The following SATL1 variants were observed in gnomAD, a reference collection of about 807,000 sequenced individuals.
SATL1 encodes spermidine/spermine N1-acetyl transferase like 1, also known as spermidine/spermine N(1)-acetyltransferase-like protein 1.
A neutral mutation model predicts 51.8 loss-of-function variants in SATL1; 47 were observed. That is an observed-to-expected ratio of 0.91 (90% confidence interval 0.72 to 1.16). The LOEUF (loss-of-function observed/expected upper bound fraction) is 1.16. SATL1 is among the 50% of genes most tolerant of loss of function. The pLI, the probability that SATL1 is intolerant of heterozygous loss-of-function variation, is 0.00. For missense variants in SATL1, 520 were observed against 526.4 expected, an observed-to-expected ratio of 0.99 and a Z score of 0.12; for synonymous variants, 176 against 182.4, an observed-to-expected ratio of 0.97 and a Z score of 0.28.
At chrX:85,142,057 T>A (rs1398105582) in intron 2 of SATL1, among the ~76,000 whole-genome samples, 1 of 104,118 alleles carries the variant, frequency 9.6e-6, no homozygotes, top group East Asian at 3.3e-4. Context: ...ATTAAGTACA[T>A]ACTTTATTGC....
intron 2 of SATL1, among the ~76,000 whole-genome samples, chrX:85,184,036 T>A (rs1927262827): frequency 8.9e-6 from 1 of 111,955 alleles, no homozygotes; most frequent in African/African-American, 3.2e-5. Flanking sequence ...AGTGAGAACA[T>A]GTGAAGTTTG....
chrX:85,118,087 C>CTTTGTTTTTTTTTTTTTTTTTTTT (rs1925421112), intron 2 of SATL1, among the ~76,000 whole-genome samples: 1 of 46,171 alleles, frequency 2.2e-5, no homozygotes, highest in Non-Finnish European at 4.8e-5. Flanking sequence ...AAGAACTTAG[C>CTTTGTTTTTTTTTTTTTTTTTTTT]TTTTTTTTTT....
intron 2 of SATL1, among the ~76,000 whole-genome samples, chrX:85,220,877 C>G (rs1602923211): frequency 9.1e-6 from 1 of 109,418 alleles, no homozygotes; most frequent in African/African-American, 3.3e-5. Context: ...CTTCTACTTC[C>G]TAAATAGATC....
intron 4 of SATL1, among the ~76,000 whole-genome samples, chrX:85,095,917 C>T (rs974004263): frequency 2.3e-4 from 25 of 107,154 alleles, no homozygotes; most frequent in Admixed American, 1.4e-3. Context: ...ACACAGAGAA[C>T]GCCCTGTAAT....
At chrX:85,228,156 A>C (rs1466739857) in intron 1 of SATL1, among the ~76,000 whole-genome samples, 1 of 111,093 alleles carries the variant, frequency 9.0e-6, no homozygotes, top group African/African-American at 3.3e-5. Context: ...TTCTTAAAGG[A>C]GAGATTTTCT....
intron 2 of SATL1, among the ~76,000 whole-genome samples, chrX:85,201,908 A>G (rs1927694768): frequency 8.9e-6 from 1 of 112,277 alleles, no homozygotes; most frequent in Non-Finnish European, 1.9e-5. Flanking sequence ...TATTGTGAAC[A>G]GTGCTGCAAT....
chrX:85,172,541 A>G (rs758441845), intron 2 of SATL1, among the ~76,000 whole-genome samples: 3 of 111,302 alleles, frequency 2.7e-5, no homozygotes, highest in Non-Finnish European at 5.7e-5. Context: ...CCTTTATTCT[A>G]TACTTCAAAT....
chrX:85,104,477 C>CT (rs5902872), intron 3 of SATL1, among the ~76,000 whole-genome samples: 1 of 109,654 alleles, frequency 9.1e-6, no homozygotes, highest in South Asian at 3.9e-4. Flanking sequence ...ATTTGTTCAA[C>CT]TTTTTTTGGT....
intron 2 of SATL1, among the ~76,000 whole-genome samples, chrX:85,138,657 G>A (rs1195159225): frequency 8.9e-6 from 1 of 111,968 alleles, no homozygotes; most frequent in Non-Finnish European, 1.9e-5. Context: ...AACAGGAGCA[G>A]ATTGGTAACG....
intron 2 of SATL1, among the ~76,000 whole-genome samples, chrX:85,173,705 T>C (rs1010770571): frequency 2.7e-5 from 3 of 110,877 alleles, no homozygotes; most frequent in African/African-American, 9.8e-5. Flanking sequence ...AGGTTTTAAG[T>C]GTAAACATGC....
chrX:85,241,545 A>C (rs1928594439), intron 1 of SATL1, among the ~76,000 whole-genome samples: 1 of 112,198 alleles, frequency 8.9e-6, no homozygotes, highest in South Asian at 3.7e-4. Flanking sequence ...CAGCTCTAAC[A>C]GTTTTTTTTC....
intron 2 of SATL1, chrX:85,153,793 T>C (rs1254094323): frequency 1.8e-5 from 2 of 111,416 alleles, no homozygotes; most frequent in African/African-American, 6.5e-5. Flanking sequence ...TCTGGAGTAC[T>C]CTGGATCTGA....
At chrX:85,104,573 T>C (rs1326178041) in intron 3 of SATL1, among the ~76,000 whole-genome samples, 1 of 111,043 alleles carries the variant, frequency 9.0e-6, no homozygotes, top group African/African-American at 3.3e-5. Context: ...TTGGCTGACT[T>C]GACATGTCCC....
intron 2 of SATL1, among the ~76,000 whole-genome samples, chrX:85,180,470 C>T (rs1451636154): frequency 9.0e-6 from 1 of 111,304 alleles, no homozygotes; most frequent in Non-Finnish European, 1.9e-5. Context: ...GTACCGAACA[C>T]TGTAGGCAAC....
At chrX:85,234,613 G>A (rs1928444522) in intron 1 of SATL1, among the ~76,000 whole-genome samples, 1 of 111,600 alleles carries the variant, frequency 9.0e-6, no homozygotes, top group African/African-American at 3.3e-5. Flanking sequence ...GTTTGTTTAT[G>A]CAATTAGTAT....
chrX:85,241,062 G>A (rs1379554732), intron 1 of SATL1, among the ~76,000 whole-genome samples: 2 of 110,652 alleles, frequency 1.8e-5, no homozygotes, highest in Admixed American at 9.6e-5. Flanking sequence ...TACCTTTTAC[G>A]TGGGATAGTA....
chrX:85,109,648 T>TA (rs947581630), intron 2 of SATL1, among the ~76,000 whole-genome samples: 1 of 111,510 alleles, frequency 9.0e-6, no homozygotes, highest in African/African-American at 3.3e-5. Context: ...ATTTTTCACT[T>TA]ACACTGGAAA....
chrX:85,235,067 A>G (rs1928452844), intron 1 of SATL1, among the ~76,000 whole-genome samples: 1 of 111,600 alleles, frequency 9.0e-6, no homozygotes, highest in Non-Finnish European at 1.9e-5. Context: ...GAGCAAGAGT[A>G]AGTATACTTA....
intron 2 of SATL1, among the ~76,000 whole-genome samples, chrX:85,158,149 T>A (rs947936662): frequency 9.9e-5 from 11 of 111,414 alleles, no homozygotes; most frequent in African/African-American, 3.6e-4. Context: ...ATCACTGTTT[T>A]TTTTTTTATT....
Sources: gnomAD v4.1 joint callset for allele counts (sites outside exome capture counted in the v4.1 genomes callset) on GRCh38, gnomAD v4.1.1 for gene constraint, MANE v1.5 for transcripts, NCBI Gene and HGNC (gene_info 2026-07-23, HGNC 2026-07-21) for gene names.